The following PDGFC variants were observed in gnomAD, a reference collection of about 807,000 sequenced individuals.
PDGFC encodes the protein platelet-derived growth factor C.
PDGFC carries 12 observed loss-of-function variants against 35.5 expected under a neutral mutation model. The observed-to-expected ratio is 0.34, with a 90% CI of 0.22 to 0.55. PDGFC has a LOEUF of 0.55. Ranked by LOEUF, PDGFC falls within the 20% of genes least tolerant of loss-of-function variation. The pLI, the probability that PDGFC is intolerant of heterozygous loss-of-function variation, is 0.91. For missense variants in PDGFC, 322 were observed against 412.4 expected (o/e 0.78, Z 1.90); for synonymous variants, 159 against 148.8 (o/e 1.07, Z -0.50).
intron 1 of PDGFC, among the ~76,000 whole-genome samples, chr4:156,945,115 A>G (rs1175224700): frequency 6.6e-6 from 1 of 151,664 alleles, no homozygotes; most frequent in Non-Finnish European, 1.5e-5. Context: ...CCAATAGTTT[A>G]CTTATTTATA....
intron 2 of PDGFC, among the ~76,000 whole-genome samples, chr4:156,819,615 C>CACCT (rs1337649427): frequency 6.6e-6 from 1 of 152,138 alleles, no homozygotes; most frequent in Non-Finnish European, 1.5e-5. Flanking sequence ...ATTTGCAATC[C>CACCT]ACCTGGTCAC....
chr4:156,929,282 A>G (rs952458935), intron 1 of PDGFC, among the ~76,000 whole-genome samples: 1 of 152,210 alleles, frequency 6.6e-6, no homozygotes, highest in African/African-American at 2.4e-5. Context: ...ACATATTTGT[A>G]AAGAAATTTT....
At chr4:156,880,870 T>A (rs1730225252) in intron 1 of PDGFC, among the ~76,000 whole-genome samples, 1 of 152,190 alleles carries the variant, frequency 6.6e-6, no homozygotes, top group Non-Finnish European at 1.5e-5. Flanking sequence ...TTTTTATGGA[T>A]GAGCAAAGAA....
chr4:156,812,429 C>G (rs1443242595), intron 2 of PDGFC, among the ~76,000 whole-genome samples: 2 of 151,954 alleles, frequency 1.3e-5, no homozygotes, highest in Admixed American at 1.3e-4. Flanking sequence ...CACATGTAAA[C>G]AGATAACTGC....
rs756603979 is a variant in PDGFC, at chr4:156,772,934, G to T, written c.496-41C>A. ...ATCCTGTGTTAACTGTTTTAAAAAC[G>T]ACAATGTATTCCTTCTGGACATATG... On this transcript the variant is annotated intron_variant, in intron 3 of 5. Transcript: ENST00000502773. 8 of 1,326,474 alleles carry T rather than the reference G, an allele frequency of 6.0e-6. No homozygotes were observed. The South Asian group carries it at 8.3e-5, about 14-fold the overall frequency. 82.2% of individuals were successfully genotyped at this position (1,326,474 alleles called of 1,614,324 possible).
intron 1 of PDGFC, among the ~76,000 whole-genome samples, chr4:156,862,952 C>T (rs1729751589): frequency 6.6e-6 from 1 of 152,092 alleles, no homozygotes; most frequent in Admixed American, 6.6e-5. Flanking sequence ...CTCAGCCTCC[C>T]AAAGTACTTG....
At chr4:156,880,773 G>T (rs149538279) in intron 1 of PDGFC, among the ~76,000 whole-genome samples, 1 of 152,146 alleles carries the variant, frequency 6.6e-6, no homozygotes, top group African/African-American at 2.4e-5. Context: ...GCAAGAGAAA[G>T]AAATTTAGAA....
intron 3 of PDGFC, among the ~76,000 whole-genome samples, chr4:156,803,037 G>A (rs948801947): frequency 6.6e-6 from 1 of 152,114 alleles, no homozygotes; most frequent in Admixed American, 6.6e-5. Context: ...GCAAGAAAAC[G>A]TCAAAAGGAA....
At chr4:156,833,504 A>C (rs976662849) in intron 2 of PDGFC, among the ~76,000 whole-genome samples, 2 of 152,208 alleles carry the variant, frequency 1.3e-5, no homozygotes, top group African/African-American at 4.8e-5. Context: ...TAAACCACAT[A>C]CTTTATTGTC....
In PDGFC at chr4:156,760,858, TTTACTAA is replaced by T. The variant is rs1730360072; in HGVS notation, c.*2225_*2231del. 1 of 152,152 alleles carries T rather than the reference TTTACTAA, an allele frequency of 6.6e-6. No individual in the cohort carries two copies. Among genetic ancestry groups the T allele is most frequent in the African/African-American group, 2.4e-5 (1 of 41,420 alleles). 9.4% of individuals were successfully genotyped at this position (152,152 alleles called of 1,614,324 possible). On this transcript the variant is annotated 3_prime_UTR_variant, in exon 6 of 6. Coordinates refer to ENST00000502773, the MANE Select transcript of PDGFC (RefSeq NM_016205.3). Reference sequence around the variant, plus strand: ...GGATTAAACACAGTTAAACAGGCTATTTACTAAGACTTAGTAGTCTTTACTATACTAA... The same window carrying T: ...GGATTAAACACAGTTAAACAGGCTATGACTTAGTAGTCTTTACTATACTAA...
intron 3 of PDGFC, among the ~76,000 whole-genome samples, chr4:156,804,934 T>C (rs1731719208): frequency 6.6e-6 from 1 of 152,032 alleles, no homozygotes. Flanking sequence ...TCTTATAAAA[T>C]GACTTACAAT....
chr4:156,883,465 C>G lies in PDGFC; in HGVS notation c.119-33049G>C, dbSNP rs558137341. 1.4e-4 allele frequency among the ~76,000 whole-genome samples: 22 copies of G among 152,222 alleles called. No individual in the cohort carries two copies. In the South Asian group the frequency reaches 4.6e-3, roughly 32 times the overall value. On this transcript the variant is annotated intron_variant, in intron 1 of 5. Coordinates refer to ENST00000502773, the MANE Select transcript of PDGFC (RefSeq NM_016205.3). ...TGCATTCTCTTTCATACTTACTTTA[C>G]CCCAAGAATAATACATTTGAGGCAA...
At position 156,762,845 on chromosome 4, in the gene PDGFC, T is replaced by C; in HGVS notation, c.*245A>G. 7.3e-6 allele frequency: 3 copies of C among 408,460 alleles called. No individual in the cohort carries two copies. The highest frequency in any genetic ancestry group is 3.8e-5 in the East Asian group (1 of 26,582). 25.3% of individuals were successfully genotyped at this position (408,460 alleles called of 1,614,324 possible). ...AGCTGGTGATCTATTTAATACAACA[T>C]TTAATTTTCTTTCCACGATTGAAGA... On this transcript the variant is annotated 3_prime_UTR_variant, in exon 6 of 6. Transcript: ENST00000502773.
At chr4:156,967,950 T>C (rs958547092) in intron 1 of PDGFC, among the ~76,000 whole-genome samples, 1 of 152,182 alleles carries the variant, frequency 6.6e-6, no homozygotes, top group Admixed American at 6.5e-5. Flanking sequence ...CTTATAATAT[T>C]AGAGGATAAA....
At chr4:156,827,701 T>C (rs918304009) in intron 2 of PDGFC, among the ~76,000 whole-genome samples, 4 of 152,210 alleles carry the variant, frequency 2.6e-5, no homozygotes, top group Non-Finnish European at 4.4e-5. Flanking sequence ...TTAGACTACA[T>C]GCTTACGCAA....
chr4:156,930,670 C>A (rs1365494316), intron 1 of PDGFC, among the ~76,000 whole-genome samples: 1 of 152,046 alleles, frequency 6.6e-6, no homozygotes, highest in Non-Finnish European at 1.5e-5. Flanking sequence ...GAGTTCAAGA[C>A]CAGCCTGGCC....
chr4:156,793,716 A>T (rs1731362062), intron 3 of PDGFC, among the ~76,000 whole-genome samples: 1 of 151,878 alleles, frequency 6.6e-6, no homozygotes, highest in African/African-American at 2.4e-5. Context: ...ACCTTAAAAC[A>T]AAGGTAACAC....
chr4:156,773,287 G>C (rs1027575527), intron 3 of PDGFC, among the ~76,000 whole-genome samples: 5 of 151,892 alleles, frequency 3.3e-5, no homozygotes, highest in African/African-American at 1.2e-4. Context: ...GCAAATTAGT[G>C]TCACATAAAT....
intron 3 of PDGFC, among the ~76,000 whole-genome samples, chr4:156,799,642 T>C (rs1287383932): frequency 6.6e-6 from 1 of 152,324 alleles, no homozygotes; most frequent in South Asian, 2.1e-4. Flanking sequence ...CAAGGTTCTA[T>C]AAGAATACAG....
Sources: gnomAD v4.1 joint callset for allele counts (sites outside exome capture counted in the v4.1 genomes callset) on GRCh38, gnomAD v4.1.1 for gene constraint, MANE v1.5 for transcripts, NCBI Gene and HGNC (gene_info 2026-07-23, HGNC 2026-07-21) for gene names.